Variants in KIF7 observed in about 807,000 individuals in gnomAD.
The protein encoded by KIF7 is kinesin family member 7, also known as kinesin-like protein KIF7.
Under a neutral mutation model 135.7 loss-of-function variants are expected in KIF7, and 104 were observed. The observed-to-expected ratio is 0.77, with a 90% CI of 0.65 to 0.90. The LOEUF (loss-of-function observed/expected upper bound fraction) is 0.90, where lower values mean the gene tolerates loss of function less well. Ranked by LOEUF, KIF7 falls within the 40% of genes least tolerant of loss-of-function variation. KIF7 has a pLI of 0.00. For synonymous variants in KIF7, 883 were observed against 809.4 expected (o/e 1.09, Z -1.54); for missense variants, 2,005 against 1,839.1 (o/e 1.09, Z -1.65).
the KIF7 span, among the ~76,000 whole-genome samples, chr15:89,662,661 G>A: frequency 1.2e-4 from 19 of 152,170 alleles, no homozygotes; most frequent in Non-Finnish European, 2.4e-4. Context: ...TGGGCAACCC[G>A]ATGTGAAGTG....
chr15:89,624,405 A>T (rs748325287), downstream of KIF7: 17 of 1,614,018 alleles, frequency 1.1e-5, no homozygotes. Context: ...CTGAACTCTC[A>T]CAGAGAGCTA....
At chr15:89,657,329 AG>A (rs1194817165), upstream of KIF7, among the ~76,000 whole-genome samples, 18 of 25,176 alleles carry the variant, frequency 7.1e-4, no homozygotes, top group East Asian at 2.2e-3. Context: ...AAAAAAAAAA[AG>A]AGAGAGAGAC....
chr15:89,619,822 C>G (rs1438281795), intron 1 of KIF7: 2 of 1,612,698 alleles, frequency 1.2e-6, no homozygotes, highest in Non-Finnish European at 1.7e-6. Context: ...AGAGTCCACT[C>G]TTTCCAGCAA....
intron 11 of KIF7, among the ~76,000 whole-genome samples, chr15:89,634,739 G>A (rs187276835): frequency 0.03 from 4,519 of 152,296 alleles, 214 homozygotes; most frequent in African/African-American, 0.1. Context: ...AGGTGGCAGC[G>A]AGGCTGGGGG....
At chr15:89,649,452 A>G in intron 3 of KIF7, 85 bp from the exon 4 acceptor site, 1 of 1,392,214 alleles carries the variant, frequency 7.2e-7, no homozygotes, top group Non-Finnish European at 9.4e-7. Context: ...AACTAGCCCC[A>G]AACCTGCCCT....
the KIF7 span, among the ~76,000 whole-genome samples, chr15:89,662,429 T>C: frequency 3.9e-5 from 6 of 152,294 alleles, no homozygotes; most frequent in South Asian, 1.0e-3. Context: ...CCTGGGGGCA[T>C]GGAGGTTGCA....
chr15:89,655,502 C>T (rs967934505), upstream of KIF7: 1 of 152,170 alleles, frequency 6.6e-6, no homozygotes, highest in South Asian at 2.1e-4. Context: ...CAAACCAGCC[C>T]CCCCCTCACC....
At chr15:89,627,901 C>T (rs1963565571), downstream of KIF7, 1 of 153,142 alleles carries the variant, frequency 6.5e-6, no homozygotes, top group Admixed American at 6.5e-5. Context: ...AGAAAGTGTT[C>T]AAGCCTGTTG....
downstream of KIF7, chr15:89,624,743 TGAAAA>T: frequency 6.2e-7 from 1 of 1,614,168 alleles, no homozygotes; most frequent in South Asian, 1.1e-5. Context: ...ATTGGTGACT[TGAAAA>T]GTAACGTCTT....
chr15:89,635,922 CAGAG>C (rs1963797115), intron 11 of KIF7, among the ~76,000 whole-genome samples: 1 of 151,870 alleles, frequency 6.6e-6, no homozygotes, highest in African/African-American at 2.4e-5. Flanking sequence ...TAAGGGCAGC[CAGAG>C]AGAAAGGTCG....
At chr15:89,626,605 G>A (rs1447261649), downstream of KIF7, among the ~76,000 whole-genome samples, 2 of 152,096 alleles carry the variant, frequency 1.3e-5, no homozygotes, top group Admixed American at 6.5e-5. Context: ...CAGGAGGAGG[G>A]GGCCTTTGGT....
chr15:89,633,950 ACT>A, intron 11 of KIF7, 67 bp from the exon 12 acceptor site: 1 of 1,566,934 alleles, frequency 6.4e-7, no homozygotes, highest in Non-Finnish European at 8.8e-7. Flanking sequence ...AGTGCTGGGC[ACT>A]CAACAAGGGC....
chr15:89,645,195 C>T (rs747652192), intron 9 of KIF7, 30 bp from the exon 10 acceptor site: 11 of 1,605,458 alleles, frequency 6.9e-6, no homozygotes, highest in South Asian at 2.2e-5. Context: ...AAGGTTGCTG[C>T]CCCAACTGAC....
rs771583869 is a variant in KIF7, at chr15:89,629,526, C to T, written c.3366G>A (p.Ser1122=). The part of the protein sequence containing the change: ...EEQHQQQIAF[S]ELEMQLEEQQ... ...GCTCCTCCAGCTGCATCTCCAGTTC[C>T]GAGAAGGCAATCTGCTGCTGGTGCT... The change falls in exon 17 of 19, where the codon TCG becomes TCA. Residue 1122 remains serine (S), a synonymous_variant. Transcript: ENST00000394412. The T allele has an allele frequency of 6.8e-6, 11 of 1,610,584 alleles. No homozygotes were observed. Among genetic ancestry groups the T allele is most frequent in the East Asian group, 2.2e-5 (1 of 44,890 alleles).
At chr15:89,627,212 T>C, downstream of KIF7, 2 of 1,188,754 alleles carry the variant, frequency 1.7e-6, no homozygotes, top group South Asian at 2.9e-5. Context: ...TTAGAATGCC[T>C]TAGGGTTTTC....
At chr15:89,641,923 G>A (rs1963927667) in intron 11 of KIF7, among the ~76,000 whole-genome samples, 5 of 152,150 alleles carry the variant, frequency 3.3e-5, no homozygotes, top group Admixed American at 3.3e-4. Flanking sequence ...GGGAGACAGA[G>A]GACTGCACGC....
chr15:89,646,171 T>G, intron 7 of KIF7, 145 bp from the exon 8 acceptor site: 1 of 1,077,622 alleles, frequency 9.3e-7, no homozygotes, highest in Non-Finnish European at 1.4e-6. Context: ...GCCTTCTGAA[T>G]CTCAAGCTGG....
At chr15:89,631,231 CACAGA>C (rs766373949) in intron 15 of KIF7, among the ~76,000 whole-genome samples, 3 of 152,224 alleles carry the variant, frequency 2.0e-5, no homozygotes, top group Admixed American at 6.5e-5. Flanking sequence ...TCGAATGCAG[CACAGA>C]ACAGGAGTCC....
rs530245569 is a variant in KIF7, at chr15:89,653,953, A to C, written c.-24-999T>G. Among the ~76,000 whole-genome samples the C allele has an allele frequency of 5.3e-5, 8 of 151,964 alleles. No individual in the cohort carries two copies. In the South Asian group the frequency reaches 6.2e-4, roughly 12 times the overall value. ...CTCCCTGCCTAACCCCAACTCCCCCAAAAAAAGGCTCTCCACTGCCCTTGG... is the reference window on the plus strand; with the variant it reads ...CTCCCTGCCTAACCCCAACTCCCCCCAAAAAAGGCTCTCCACTGCCCTTGG... On this transcript the variant is annotated intron_variant, in intron 1 of 18. Transcript: ENST00000394412.
Sources: allele counts gnomAD v4.1 joint callset (sites outside exome capture counted in the v4.1 genomes callset), GRCh38; gene constraint gnomAD v4.1.1; transcripts MANE v1.5; gene names NCBI Gene and HGNC (gene_info 2026-07-23, HGNC 2026-07-21).